The following PTPRM variants were observed in gnomAD, a reference collection of about 807,000 sequenced individuals.
PTPRM encodes receptor-type tyrosine-protein phosphatase mu.
PTPRM carries 47 observed loss-of-function variants against 186.7 expected under a neutral mutation model. That is an observed-to-expected ratio of 0.25 (90% confidence interval 0.20 to 0.32). The LOEUF is 0.32. Ranked by LOEUF, PTPRM falls within the 10% of genes least tolerant of loss-of-function variation. The probability of loss-of-function intolerance (pLI) is 1.00; values close to 1 mark genes in which losing one functional copy is unlikely to be tolerated. For missense variants in PTPRM, 1,494 were observed against 1,865.0 expected (o/e 0.80, Z 3.66); for synonymous variants, 668 against 674.9 (o/e 0.99, Z 0.16).
At chr18:7,703,870 T>C (rs1234501249) in intron 1 of PTPRM, among the ~76,000 whole-genome samples, 1 of 151,964 alleles carries the variant, frequency 6.6e-6, no homozygotes, top group Non-Finnish European at 1.5e-5. Context: ...TTATTAAGAG[T>C]TTTTAGCATG....
At chr18:7,600,325 A>G (rs1398894409) in intron 1 of PTPRM, among the ~76,000 whole-genome samples, 1 of 152,116 alleles carries the variant, frequency 6.6e-6, no homozygotes, top group African/African-American at 2.4e-5. Flanking sequence ...CATCATTGTG[A>G]TTTCTAACAT....
At chr18:8,185,333 G>GC (rs1274240683) in intron 14 of PTPRM, among the ~76,000 whole-genome samples, 1 of 152,076 alleles carries the variant, frequency 6.6e-6, no homozygotes, top group Admixed American at 6.6e-5. Flanking sequence ...ACTTCACCAG[G>GC]CCCCCCAGGA....
At chr18:7,853,487 A>C (rs1349787801) in intron 2 of PTPRM, among the ~76,000 whole-genome samples, 1 of 152,224 alleles carries the variant, frequency 6.6e-6, no homozygotes, top group Non-Finnish European at 1.5e-5. Flanking sequence ...CAGTGGCTTC[A>C]GAAGTACCTG....
intron 19 of PTPRM, among the ~76,000 whole-genome samples, chr18:8,276,749 T>A (rs1313003953): frequency 6.6e-6 from 1 of 152,084 alleles, no homozygotes; most frequent in African/African-American, 2.4e-5. Context: ...AAAAATACAA[T>A]CTCCATCCTC....
intron 27 of PTPRM, among the ~76,000 whole-genome samples, chr18:8,378,847 A>G (rs545168547): frequency 1.1e-4 from 17 of 152,194 alleles, no homozygotes; most frequent in Non-Finnish European, 4.4e-5. Flanking sequence ...TACCCGAGTC[A>G]AGGCCAGACT....
chr18:7,682,459 C>T (rs921500687), intron 1 of PTPRM, among the ~76,000 whole-genome samples: 5 of 152,222 alleles, frequency 3.3e-5, no homozygotes, highest in African/African-American at 9.6e-5. Flanking sequence ...AAGTTTCACT[C>T]ATTTCTGCTC....
At chr18:8,101,859 A>AAG (rs1009426693) in intron 11 of PTPRM, among the ~76,000 whole-genome samples, 3 of 152,200 alleles carry the variant, frequency 2.0e-5, no homozygotes, top group Non-Finnish European at 4.4e-5. Flanking sequence ...CTTCAGAACC[A>AAG]AGATGGTTAC....
At chr18:8,361,982 A>G (rs1443510382) in intron 23 of PTPRM, among the ~76,000 whole-genome samples, 1 of 152,304 alleles carries the variant, frequency 6.6e-6, no homozygotes, top group East Asian at 1.9e-4. Flanking sequence ...TAAGTCAGAG[A>G]GGTCACATCT....
At chr18:7,720,352 C>G (rs545891370) in intron 1 of PTPRM, among the ~76,000 whole-genome samples, 1 of 151,906 alleles carries the variant, frequency 6.6e-6, no homozygotes, top group South Asian at 2.1e-4. Context: ...TGCTGGCATA[C>G]GAATTGGTCA....
intron 8 of PTPRM, among the ~76,000 whole-genome samples, chr18:8,073,890 G>A (rs2089643868): frequency 6.6e-6 from 1 of 152,174 alleles, no homozygotes; most frequent in Non-Finnish European, 1.5e-5. Flanking sequence ...GGATGACAGA[G>A]CAAGACCCTA....
chr18:8,001,544 T>A (rs1334479881), intron 7 of PTPRM, among the ~76,000 whole-genome samples: 3 of 152,082 alleles, frequency 2.0e-5, no homozygotes, highest in Admixed American at 2.0e-4. Flanking sequence ...TTTTTTTTTT[T>A]ATTTGCCCCT....
intron 23 of PTPRM, among the ~76,000 whole-genome samples, chr18:8,367,670 G>A (rs576082362): frequency 6.6e-6 from 1 of 152,362 alleles, no homozygotes; most frequent in South Asian, 2.1e-4. Context: ...GCCCAGGGTC[G>A]GATTTCGGAT....
intron 2 of PTPRM, among the ~76,000 whole-genome samples, chr18:7,823,109 G>T (rs568031906): frequency 6.6e-6 from 1 of 152,100 alleles, no homozygotes; most frequent in Non-Finnish European, 1.5e-5. Flanking sequence ...CCTATTTGTA[G>T]TATCCGTTCT....
At chr18:8,367,440 G>T (rs959595215) in intron 23 of PTPRM, among the ~76,000 whole-genome samples, 3 of 152,254 alleles carry the variant, frequency 2.0e-5, no homozygotes, top group African/African-American at 7.2e-5. Flanking sequence ...AGTCAGCACC[G>T]TGCCGAGCAG....
chr18:8,374,375 C>G (rs2095682571), intron 24 of PTPRM, among the ~76,000 whole-genome samples: 1 of 152,040 alleles, frequency 6.6e-6, no homozygotes, highest in African/African-American at 2.4e-5. Flanking sequence ...CCCCTTTTTT[C>G]CCCTTTGGAA....
intron 2 of PTPRM, among the ~76,000 whole-genome samples, chr18:7,853,232 A>G (rs1028742282): frequency 3.3e-5 from 5 of 152,222 alleles, no homozygotes; most frequent in African/African-American, 1.2e-4. Context: ...AATTCAGACC[A>G]TGTCATTTCT....
At position 8,113,571 on chromosome 18, in the gene PTPRM, C is replaced by T; in HGVS notation, c.1942C>T (p.His648Tyr). 6.2e-7 allele frequency: 1 copy of T among 1,614,094 alleles called. No individual in the cohort carries two copies. Among genetic ancestry groups the T allele is most frequent in the South Asian group, 1.1e-5 (1 of 91,082 alleles). Residue 648 changes from histidine to tyrosine, a missense_variant, in exon 12 of 33, where the codon CAC (histidine) becomes TAC (tyrosine). Around this residue, in one of 3 missense-constraint regions of PTPRM, gnomAD observed 1,107 missense variants for 1,350.2 expected, o/e 0.82. Coordinates refer to ENST00000580170, the MANE Select transcript of PTPRM (RefSeq NM_001105244.2). The part of the protein sequence containing the change: ...EILKCYPVPI[H>Y]FQNASLLNSQ... ...CTTAAAGTGCTACCCAGTGCCAATT[C>T]ACTTCCAGAATGCTTCTCTGCTGAA...
At chr18:8,374,107 C>T (rs1202832754) in intron 24 of PTPRM, among the ~76,000 whole-genome samples, 2 of 152,160 alleles carry the variant, frequency 1.3e-5, no homozygotes, top group Non-Finnish European at 1.5e-5. Flanking sequence ...GATCAGAAGC[C>T]GTTTCCTTTG....
At chr18:7,609,277 T>C (rs894637766) in intron 1 of PTPRM, among the ~76,000 whole-genome samples, 1 of 152,114 alleles carries the variant, frequency 6.6e-6, no homozygotes, top group African/African-American at 2.4e-5. Context: ...TAGCTGTAAA[T>C]GATGGGAGAT....
Sources: allele counts gnomAD v4.1 joint callset (sites outside exome capture counted in the v4.1 genomes callset), GRCh38; gene constraint gnomAD v4.1.1; regional missense constraint gnomAD v4.1.1; transcripts MANE v1.5; gene names NCBI Gene and HGNC (gene_info 2026-07-23, HGNC 2026-07-21).